Variants in LRRC8D observed in about 807,000 individuals in gnomAD.
LRRC8D encodes the protein leucine rich repeat containing 8 VRAC subunit D, also known as volume-regulated anion channel subunit LRRC8D.
A neutral mutation model predicts 55.8 loss-of-function variants in LRRC8D; 20 were observed. The observed-to-expected ratio is 0.36, with a 90% CI of 0.25 to 0.52. The LOEUF is 0.52. Ranked by LOEUF, LRRC8D falls within the 20% of genes least tolerant of loss-of-function variation. LRRC8D has a pLI of 0.93. For synonymous variants in LRRC8D, 352 were observed against 377.0 expected (o/e 0.93, Z 0.77); for missense variants, 651 against 1,030.8 (o/e 0.63, Z 5.05).
In LRRC8D at chr1:89,821,111, C is replaced by G. The variant is rs1444030657; in HGVS notation, c.-328C>G. 6.5e-6 allele frequency: 1 copy of G among 153,272 alleles called. No homozygotes were observed. Among genetic ancestry groups the G allele is most frequent in the African/African-American group, 2.4e-5 (1 of 41,420 alleles). 9.5% of individuals were successfully genotyped at this position (153,272 alleles called of 1,614,324 possible). ...TGCCGCTGCCGCCGCCCGTGGTGCCCCGGCTCCTCCGCCGCGCTTCGAGGT... is the reference window on the plus strand; with the variant it reads ...TGCCGCTGCCGCCGCCCGTGGTGCCGCGGCTCCTCCGCCGCGCTTCGAGGT... On this transcript the variant is annotated 5_prime_UTR_variant, in exon 1 of 3. Coordinates refer to ENST00000337338, the MANE Select transcript of LRRC8D (RefSeq NM_001134479.2).
intron 1 of LRRC8D, among the ~76,000 whole-genome samples, chr1:89,829,990 T>C (rs1437065135): frequency 6.6e-6 from 1 of 152,196 alleles, no homozygotes; most frequent in Admixed American, 6.5e-5. Flanking sequence ...TGCTAAGGTG[T>C]TATGTCTTAG....
intron 2 of LRRC8D, among the ~76,000 whole-genome samples, chr1:89,856,880 C>T (rs1661569203): frequency 6.6e-6 from 1 of 152,192 alleles, no homozygotes; most frequent in Non-Finnish European, 1.5e-5. Flanking sequence ...CCCACATTTA[C>T]TGCCTACTGT....
chr1:89,888,510 C>G (rs1003034641), intron 2 of LRRC8D, among the ~76,000 whole-genome samples: 6 of 152,134 alleles, frequency 3.9e-5, no homozygotes, highest in African/African-American at 1.4e-4. Context: ...CAAGTTAGTA[C>G]GCACACAATT....
intron 2 of LRRC8D, among the ~76,000 whole-genome samples, chr1:89,927,311 T>A (rs1482270808): frequency 1.3e-5 from 2 of 152,264 alleles, no homozygotes; most frequent in Non-Finnish European, 2.9e-5. Context: ...CTTTGAAACT[T>A]TTTATTGAAG....
intron 1 of LRRC8D, chr1:89,821,886 G>A (rs1226632470): frequency 6.6e-6 from 1 of 152,054 alleles, no homozygotes; most frequent in African/African-American, 2.4e-5. Flanking sequence ...GGTGCACCCA[G>A]CCGTCCGCGG....
intron 2 of LRRC8D, among the ~76,000 whole-genome samples, chr1:89,845,549 G>C (rs1487751564): frequency 6.6e-6 from 1 of 152,148 alleles, no homozygotes; most frequent in Non-Finnish European, 1.5e-5. Context: ...CGATTCTCCT[G>C]CCTCAGCCTC....
At chr1:89,830,127 G>A (rs1414646073) in intron 1 of LRRC8D, among the ~76,000 whole-genome samples, 6 of 152,086 alleles carry the variant, frequency 3.9e-5, no homozygotes, top group African/African-American at 9.7e-5. Context: ...CATATTCATA[G>A]GCTGTTTCAT....
chr1:89,928,150 A>T (rs1407246119), intron 2 of LRRC8D, among the ~76,000 whole-genome samples: 1 of 151,984 alleles, frequency 6.6e-6, no homozygotes, highest in African/African-American at 2.4e-5. Context: ...CCGCACTGCA[A>T]CCTCCGCCAC....
chr1:89,821,655 C>T (rs1036276891), intron 1 of LRRC8D, among the ~76,000 whole-genome samples: 1 of 152,144 alleles, frequency 6.6e-6, no homozygotes, highest in Admixed American at 6.5e-5. Context: ...GCGGGGAGAG[C>T]CGGTTTCGGC....
At chr1:89,895,101 A>C (rs1272854434) in intron 2 of LRRC8D, among the ~76,000 whole-genome samples, 1 of 152,044 alleles carries the variant, frequency 6.6e-6, no homozygotes, top group Non-Finnish European at 1.5e-5. Flanking sequence ...GTCTGAGGAC[A>C]GACAGGTGTG....
intron 2 of LRRC8D, among the ~76,000 whole-genome samples, chr1:89,919,692 G>A (rs891875351): frequency 1.3e-5 from 2 of 152,176 alleles, no homozygotes; most frequent in Non-Finnish European, 2.9e-5. Context: ...TTTCTCTGGA[G>A]CCTTTATTAA....
At chr1:89,931,062 C>T (rs1663694115) in intron 2 of LRRC8D, among the ~76,000 whole-genome samples, 1 of 142,438 alleles carries the variant, frequency 7.0e-6, no homozygotes. Flanking sequence ...CATACTTAAG[C>T]CCTGAAGTCT....
At chr1:89,905,894 G>A (rs1443935259) in intron 2 of LRRC8D, among the ~76,000 whole-genome samples, 1 of 152,106 alleles carries the variant, frequency 6.6e-6, no homozygotes, top group Admixed American at 6.5e-5. Context: ...AACATGAAGA[G>A]AGTGAGTAAG....
chr1:89,910,833 C>T (rs1663116804), intron 2 of LRRC8D, among the ~76,000 whole-genome samples: 1 of 152,164 alleles, frequency 6.6e-6, no homozygotes, highest in Non-Finnish European at 1.5e-5. Context: ...TTCCTGTCTT[C>T]CCCTGCCTAT....
intron 2 of LRRC8D, among the ~76,000 whole-genome samples, 180 bp downstream of exon 2, chr1:89,843,962 C>T (rs114208181): frequency 6.6e-6 from 1 of 151,966 alleles, no homozygotes; most frequent in African/African-American, 2.4e-5. Flanking sequence ...GGGTTCGGGC[C>T]GGCGGAAGGC....
At chr1:89,869,079 G>T (rs1661928345) in intron 2 of LRRC8D, among the ~76,000 whole-genome samples, 1 of 152,030 alleles carries the variant, frequency 6.6e-6, no homozygotes, top group Non-Finnish European at 1.5e-5. Context: ...GCTAATTTTT[G>T]TACTTTTAGC....
intron 2 of LRRC8D, among the ~76,000 whole-genome samples, chr1:89,930,465 T>C (rs959321130): frequency 3.3e-5 from 5 of 152,176 alleles, no homozygotes; most frequent in Non-Finnish European, 7.3e-5. Flanking sequence ...GTGCTGGGAT[T>C]ATAGGCATGA....
At chr1:89,895,854 G>C (rs1662695515) in intron 2 of LRRC8D, among the ~76,000 whole-genome samples, 1 of 152,256 alleles carries the variant, frequency 6.6e-6, no homozygotes, top group East Asian at 1.9e-4. Context: ...ATGTCTCTGA[G>C]TCTGATACTC....
chr1:89,885,879 T>C (rs997131819), intron 2 of LRRC8D, among the ~76,000 whole-genome samples: 3 of 152,230 alleles, frequency 2.0e-5, no homozygotes, highest in African/African-American at 7.2e-5. Flanking sequence ...GTTCACTCCC[T>C]GGTTTCCTTT....
Sources: gnomAD v4.1 joint callset for allele counts (sites outside exome capture counted in the v4.1 genomes callset) on GRCh38, gnomAD v4.1.1 for gene constraint, MANE v1.5 for transcripts, NCBI Gene and HGNC (gene_info 2026-07-23, HGNC 2026-07-21) for gene names.